The following PDE10A variants were observed in gnomAD, a reference collection of about 807,000 sequenced individuals.
PDE10A encodes cAMP and cAMP-inhibited cGMP 3',5'-cyclic phosphodiesterase 10A.
PDE10A carries 39 observed loss-of-function variants against 97.7 expected under a neutral mutation model. The observed-to-expected ratio is 0.40, with a 90% CI of 0.31 to 0.52. PDE10A has a LOEUF of 0.52. Among genes scored for constraint, PDE10A ranks in the 20% least tolerant of loss-of-function variants. The pLI is 0.56. For synonymous variants in PDE10A, 371 were observed against 376.8 expected, an observed-to-expected ratio of 0.98 and a Z score of 0.18; for missense variants, 731 against 1,047.8, an observed-to-expected ratio of 0.70 and a Z score of 4.17.
intron 8 of PDE10A, among the ~76,000 whole-genome samples, chr6:165,431,182 G>A (rs182914679): frequency 2.0e-5 from 3 of 151,440 alleles, no homozygotes; most frequent in Admixed American, 1.3e-4. Flanking sequence ...AATTATATAT[G>A]TATTTATTTT....
At chr6:165,807,563 G>C (rs1401558260) in intron 1 of PDE10A, among the ~76,000 whole-genome samples, 2 of 152,166 alleles carry the variant, frequency 1.3e-5, no homozygotes, top group African/African-American at 2.4e-5. Context: ...GGTTAAGTGA[G>C]AATTGTGGCT....
intron 2 of PDE10A, among the ~76,000 whole-genome samples, chr6:165,534,802 A>G (rs1396755136): frequency 1.3e-5 from 2 of 152,086 alleles, no homozygotes; most frequent in Non-Finnish European, 1.5e-5. Context: ...ATACCTCAAA[A>G]CAATAAAGGC....
intron 1 of PDE10A, among the ~76,000 whole-genome samples, chr6:165,851,284 T>C: frequency 6.6e-6 from 1 of 152,244 alleles, no homozygotes; most frequent in East Asian, 1.9e-4. Flanking sequence ...CTGCTTCATA[T>C]GTATTGATTT....
intron 1 of PDE10A, among the ~76,000 whole-genome samples, chr6:165,593,103 G>A (rs1057408460): frequency 2.6e-5 from 4 of 152,140 alleles, no homozygotes; most frequent in East Asian, 3.8e-4. Flanking sequence ...TACACACCAC[G>A]GAATACTATG....
intron 1 of PDE10A, among the ~76,000 whole-genome samples, chr6:165,795,745 A>T (rs1778810172): frequency 6.6e-6 from 1 of 151,448 alleles, no homozygotes; most frequent in African/African-American, 2.4e-5. Flanking sequence ...CAAGAGAAAA[A>T]CTCCATCTCA....
At chr6:165,828,707 C>T (rs1009772866) in intron 1 of PDE10A, among the ~76,000 whole-genome samples, 1 of 152,156 alleles carries the variant, frequency 6.6e-6, no homozygotes, top group Non-Finnish European at 1.5e-5. Flanking sequence ...GAAGCCTGAA[C>T]TGAAAAATGA....
chr6:165,837,657 T>TG (rs1167088589), intron 1 of PDE10A, among the ~76,000 whole-genome samples: 1 of 135,458 alleles, frequency 7.4e-6, no homozygotes. Context: ...ATATCTCTCC[T>TG]GGTTTTTTTT....
At chr6:165,437,125 G>A (rs1037940444) in intron 5 of PDE10A, among the ~76,000 whole-genome samples, 5 of 152,128 alleles carry the variant, frequency 3.3e-5, no homozygotes. Flanking sequence ...AAAACAGAAG[G>A]TGAACTCTGG....
At position 165,327,968 on chromosome 6, in the gene PDE10A, TTTTGTTCA is replaced by T. The variant is rs1193946915; in HGVS notation, c.*5049_*5056del. On this transcript the variant is annotated 3_prime_UTR_variant, in exon 22 of 22. Transcript: ENST00000539869. ...AGCTACGTTATGGATCTAGGATCTC[TTTTGTTCA>T]TTTGTTCATGTAAAGAAAACCATCT... The T allele has an allele frequency of 6.6e-6, 1 of 152,242 alleles. No individual in the cohort carries two copies. Among genetic ancestry groups the T allele is most frequent in the East Asian group, 1.9e-4 (1 of 5,202 alleles). 9.4% of individuals were successfully genotyped at this position (152,242 alleles called of 1,614,324 possible).
chr6:165,411,830 T>C (rs191851264), intron 13 of PDE10A, among the ~76,000 whole-genome samples: 111 of 152,306 alleles, frequency 7.3e-4, no homozygotes, highest in Middle Eastern at 3.4e-3. Context: ...ATGGCAAATA[T>C]ATTAACATTT....
At chr6:165,859,998 A>G (rs1377300776) in intron 1 of PDE10A, among the ~76,000 whole-genome samples, 2 of 152,160 alleles carry the variant, frequency 1.3e-5, no homozygotes, top group Non-Finnish European at 2.9e-5. Flanking sequence ...ATGAGAATGC[A>G]AAGGCATAAG....
At chr6:165,572,834 C>G (rs9364801) in intron 1 of PDE10A, among the ~76,000 whole-genome samples, 8,675 of 152,266 alleles carry the variant, frequency 0.057, 579 homozygotes, top group East Asian at 0.33. Context: ...GAGACCCTGT[C>G]TCAAACAAAC....
At chr6:165,937,264 T>C (rs1783364120) in intron 1 of PDE10A, among the ~76,000 whole-genome samples, 1 of 152,182 alleles carries the variant, frequency 6.6e-6, no homozygotes, top group Non-Finnish European at 1.5e-5. Context: ...TACTTGAAAC[T>C]TAATAAGACT....
chr6:165,836,314 G>A (rs1050349593), intron 1 of PDE10A, among the ~76,000 whole-genome samples: 7 of 152,268 alleles, frequency 4.6e-5, no homozygotes, highest in Middle Eastern at 3.4e-3. Flanking sequence ...CCTTTCTTCC[G>A]AGTGACAAGA....
At chr6:165,399,904 A>AT (rs1786507673) in intron 13 of PDE10A, among the ~76,000 whole-genome samples, 3 of 152,182 alleles carry the variant, frequency 2.0e-5, no homozygotes, top group Admixed American at 6.5e-5. Flanking sequence ...ATGTGTCTTT[A>AT]TAGCAGCATG....
intron 13 of PDE10A, among the ~76,000 whole-genome samples, chr6:165,405,525 T>G (rs1166538466): frequency 1.3e-5 from 2 of 152,242 alleles, no homozygotes; most frequent in Non-Finnish European, 2.9e-5. Context: ...TCTAAGAGTT[T>G]ATTCATATGG....
chr6:165,832,596 C>T (rs1157792799), intron 1 of PDE10A, among the ~76,000 whole-genome samples: 1 of 152,228 alleles, frequency 6.6e-6, no homozygotes, highest in Admixed American at 6.5e-5. Context: ...CCGCTGCCTT[C>T]TCCGTGGCCC....
intron 1 of PDE10A, among the ~76,000 whole-genome samples, chr6:165,645,310 C>A (rs1789340153): frequency 6.6e-6 from 1 of 152,158 alleles, no homozygotes. Flanking sequence ...TGCCCCTGAC[C>A]CCTTGCTTCA....
chr6:165,590,872 C>A (rs1352923964), intron 1 of PDE10A, among the ~76,000 whole-genome samples: 4 of 151,970 alleles, frequency 2.6e-5, no homozygotes, highest in African/African-American at 7.3e-5. Context: ...GCCTGGGCGA[C>A]AGAGCGAGAC....
Sources: allele counts gnomAD v4.1 joint callset (sites outside exome capture counted in the v4.1 genomes callset), GRCh38; gene constraint gnomAD v4.1.1; transcripts MANE v1.5; gene names NCBI Gene and HGNC (gene_info 2026-07-23, HGNC 2026-07-21).